OGDHL: variants seen among roughly 807,000 people sequenced by gnomAD.
OGDHL encodes the protein 2-oxoglutarate dehydrogenase-like, mitochondrial.
Under a neutral mutation model 109.6 loss-of-function variants are expected in OGDHL, and 79 were observed. The observed-to-expected ratio is 0.72, with a 90% CI of 0.60 to 0.87. OGDHL has a LOEUF of 0.87. Among genes scored for constraint, OGDHL ranks in the 40% least tolerant of loss-of-function variants. The pLI is 0.00. For synonymous variants in OGDHL, 528 were observed against 537.2 expected, an observed-to-expected ratio of 0.98 and a Z score of 0.24; for missense variants, 1,275 against 1,362.2, an observed-to-expected ratio of 0.94 and a Z score of 1.01.
chr10:49,752,869 G>A lies in OGDHL; in HGVS notation c.376-129C>T, dbSNP rs182376457. 5.8e-3 allele frequency: 3,809 copies of A among 658,626 alleles called. 42 individuals carry two copies. The highest frequency in any genetic ancestry group is 4.7e-3 in the Non-Finnish European group (1,827 of 385,926). 40.8% of individuals were successfully genotyped at this position (658,626 alleles called of 1,614,324 possible). On this transcript the variant is annotated intron_variant, in intron 3 of 22. Coordinates refer to ENST00000374103, the MANE Select transcript of OGDHL (RefSeq NM_018245.3). ...TTAAGCTTCCCCATGTCTCTGCCCCGCGGCTACTTCACTGCTGCCTGCGAG... is the reference window on the plus strand; with the variant it reads ...TTAAGCTTCCCCATGTCTCTGCCCCACGGCTACTTCACTGCTGCCTGCGAG...
rs1564539343 is a variant in OGDHL at position 49,745,844 on chromosome 10, G to C, written c.1430C>G (p.Ala477Gly). 1.2e-6 allele frequency: 2 copies of C among 1,614,192 alleles called. No individual in the cohort carries two copies. The highest frequency in any genetic ancestry group is 1.7e-6 in the Non-Finnish European group (2 of 1,180,038). Reference protein sequence around the residue: ...PEAVIYVCSVAAEWRNTFNKD... With the variant: ...PEAVIYVCSVGAEWRNTFNKD... Reference sequence around the variant, plus strand: ...GTTGAAAGTGTTTCTCCATTCGGCTGCCACACTGCACACATATATCACAGC... The same window carrying C: ...GTTGAAAGTGTTTCTCCATTCGGCTCCCACACTGCACACATATATCACAGC... Residue 477 changes from alanine to glycine, a missense_variant, in exon 11 of 23, where the codon GCA becomes GGA. Physicochemically the swap from Ala to Gly is moderately conservative, Grantham distance 60. Coordinates refer to ENST00000374103, the MANE Select transcript of OGDHL (RefSeq NM_018245.3).
At position 49,762,286 on chromosome 10, in the gene OGDHL, G is replaced by A. The variant is rs952051614; in HGVS notation, c.-49C>T. 6.6e-6 allele frequency: 1 copy of A among 152,126 alleles called. No individual in the cohort carries two copies. The highest frequency in any genetic ancestry group is 1.5e-5 in the Non-Finnish European group (1 of 68,006). The allele number at this position is 152,126 out of a possible 1,614,324, so 9.4% of individuals were successfully genotyped here. A position where few individuals can be genotyped will look rare whatever the true frequency, so the allele number is the denominator to read the frequency against. On this transcript the variant is annotated 5_prime_UTR_variant, in exon 1 of 23. Coordinates refer to ENST00000374103, the MANE Select transcript of OGDHL (RefSeq NM_018245.3). ...GCTGCAGCGAGGTCCGGAGGCTGCAGGTCAGGGGGCTGCGCGGAAGGGGTG... is the reference window on the plus strand; with the variant it reads ...GCTGCAGCGAGGTCCGGAGGCTGCAAGTCAGGGGGCTGCGCGGAAGGGGTG...
chr10:49,737,609 A>G (rs1223660336), intron 20 of OGDHL, among the ~76,000 whole-genome samples, 177 bp downstream of exon 20: 1 of 152,134 alleles, frequency 6.6e-6, no homozygotes, highest in Non-Finnish European at 1.5e-5. Context: ...GAGCTGGCCC[A>G]GGTCAGCCAT....
Position 49,756,751 on chromosome 10 carries a change from A to G in OGDHL, c.375+25T>C. ...ACCCCAGGAGCCAGTGCAGCCTCCC[A>G]GGCTGTGCCTCAGCTGCCCCTCACC... On this transcript the variant is annotated intron_variant, in intron 3 of 22. Coordinates refer to ENST00000374103, the MANE Select transcript of OGDHL (RefSeq NM_018245.3). The G allele has an allele frequency of 3.1e-6, 5 of 1,603,184 alleles. No homozygotes were observed. In the South Asian group the frequency reaches 4.5e-5, roughly 14 times the overall value.
At position 49,749,924 on chromosome 10, in the gene OGDHL, G is replaced by A. The variant is rs564364618; in HGVS notation, c.897-108C>T. On this transcript the variant is annotated intron_variant, in intron 7 of 22. Coordinates refer to ENST00000374103, the MANE Select transcript of OGDHL (RefSeq NM_018245.3). The stretch of plus-strand genomic sequence containing the variant: ...GCCTAATACAGCCCCTTCGTGCCCA[G>A]AGCCCTCCTCAGGCCACCCAATCAC... The A allele has an allele frequency of 6.2e-5, 57 of 920,262 alleles. 1 individual carries two copies. In the South Asian group the frequency reaches 7.1e-4, roughly 12 times the overall value. The allele number at this position is 920,262 out of a possible 1,614,324, so 57.0% of individuals were successfully genotyped here. A position where few individuals can be genotyped will look rare whatever the true frequency, so the allele number is the denominator to read the frequency against.
In OGDHL at chr10:49,735,294, C is replaced by G; in HGVS notation, c.2967G>C (p.Leu989=). 2 of 1,614,142 alleles carry G rather than the reference C, an allele frequency of 1.2e-6. No individual in the cohort carries two copies. The highest frequency in any genetic ancestry group is 2.2e-5 in the South Asian group (2 of 91,086). ...APATGNRNTH[L]VSLKKFLDTA... ...TATCCAGAAACTTCTTCAGTGACAC[C>G]AGGTGAGTGTTCCTGTTTCCTGTGG... Residue 989 remains leucine, a synonymous_variant, in exon 23 of 23, where the codon CTG becomes CTC. Transcript: ENST00000374103.
intron 14 of OGDHL, 124 bp from the exon 15 acceptor site, chr10:49,743,102 G>C (rs1841912366): frequency 1.6e-6 from 2 of 1,270,094 alleles, no homozygotes; most frequent in Non-Finnish European, 2.1e-6. Flanking sequence ...TGGAGGGCAG[G>C]GATGCTGCAG....
At position 49,744,087 on chromosome 10, in the gene OGDHL, T is replaced by C; in HGVS notation, c.1768A>G (p.Thr590Ala). 1 of 1,613,926 alleles carries C rather than the reference T, an allele frequency of 6.2e-7. No homozygotes were observed. Among genetic ancestry groups the C allele is most frequent in the African/African-American group, 1.3e-5 (1 of 75,028 alleles). The part of the protein sequence containing the change: ...FNVDGEPKSM[T>A]CPATGIPEDM... ...TCAGGGATCCCCGTGGCTGGGCATGTCATGCTCTTGGGCTCCCCATCTACG... is the reference window on the plus strand; with the variant it reads ...TCAGGGATCCCCGTGGCTGGGCATGCCATGCTCTTGGGCTCCCCATCTACG... Residue 590 changes from threonine (T) to alanine (A), a missense_variant, in exon 14 of 23, where the codon ACA becomes GCA. Physicochemically the swap from Thr to Ala is moderately conservative, Grantham distance 58 (BLOSUM62 0). Coordinates refer to ENST00000374103, the MANE Select transcript of OGDHL (RefSeq NM_018245.3).
rs777478560 is a variant in OGDHL at position 49,758,422 on chromosome 10, G to A, written c.171C>T (p.Phe57=). ...CACTCTGGGGGTTTTCCAACCAGGC[G>A]AAGTACATCTCCTCCATGTAACTGG... is the stretch of plus-strand genomic sequence containing the variant. ...GGSSYMEEMY[F]AWLENPQSVH... The change falls in exon 2 of 23, where the codon TTC becomes TTT. Residue 57 remains phenylalanine, a synonymous_variant. Transcript: ENST00000374103. 1.2e-5 allele frequency: 19 copies of A among 1,613,700 alleles called. No individual in the cohort carries two copies. Among genetic ancestry groups the A allele is most frequent in the South Asian group, 4.4e-5 (4 of 91,060 alleles).
intron 11 of OGDHL, 109 bp downstream of exon 11, chr10:49,745,688 TC>T: frequency 7.2e-7 from 1 of 1,380,214 alleles, no homozygotes; most frequent in Non-Finnish European, 1.0e-6. Flanking sequence ...AAATCTCTCA[TC>T]CAAGAAGCAC....
In OGDHL at chr10:49,750,938, C is replaced by A. The variant is rs138716062; in HGVS notation, c.797G>T (p.Gly266Val). Residue 266 changes from glycine (G) to valine (V), a missense_variant, in exon 7 of 23, where the codon GGC (glycine) becomes GTC (valine). Gly to Val is a moderately radical substitution (Grantham distance 109). Transcript: ENST00000374103. Reference sequence around the variant, plus strand: ...AATCATCACTTCACAGCCCTCCAGGCCAAACCGCTTCTCTGAGGACCATTT... The same window carrying A: ...AATCATCACTTCACAGCCCTCCAGGACAAACCGCTTCTCTGAGGACCATTT... ...ARKWSSEKRFGLEGCEVMIPA... is the reference protein window; with the variant it reads ...ARKWSSEKRFVLEGCEVMIPA... The A allele has an allele frequency of 1.9e-6, 3 of 1,611,168 alleles. No individual in the cohort carries two copies. Among genetic ancestry groups the A allele is most frequent in the African/African-American group, 2.7e-5 (2 of 74,878 alleles).
chr10:49,747,336 G>A, intron 8 of OGDHL, 128 bp from the exon 9 acceptor site: 2 of 981,980 alleles, frequency 2.0e-6, no homozygotes, highest in South Asian at 3.1e-5. Flanking sequence ...AGAGGGCCAA[G>A]CTGTCTCTGA....
intron 10 of OGDHL, among the ~76,000 whole-genome samples, 192 bp from the exon 11 acceptor site, chr10:49,746,169 A>G (rs1391463951): frequency 6.6e-6 from 1 of 152,194 alleles, no homozygotes; most frequent in Non-Finnish European, 1.5e-5. Context: ...GGACGGCAGC[A>G]GCACCAGCCG....
Position 49,740,738 on chromosome 10 carries a change from G to T in OGDHL, c.2112C>A (p.Asn704Lys). The T allele has an allele frequency of 6.2e-7, 1 of 1,613,884 alleles. No individual in the cohort carries two copies. Among genetic ancestry groups the T allele is most frequent in the Non-Finnish European group, 8.5e-7 (1 of 1,179,814 alleles). ...GGACTCCGTACTCCGAGAGGGAGCT[G>T]TTGCACACGGTGTACGGGGCCTGGT... ...WPDQAPYTVC[N>K]SSLSEYGVLG... The change falls in exon 16 of 23, where the codon AAC becomes AAA. Residue 704 changes from asparagine to lysine, a missense_variant. Physicochemically the swap from Asn to Lys is moderately conservative, Grantham distance 94. Transcript: ENST00000374103.
At chr10:49,749,704 G>A (rs371707129) in intron 8 of OGDHL, 22 bp downstream of exon 8, 33 of 1,565,480 alleles carry the variant, frequency 2.1e-5, no homozygotes, top group African/African-American at 5.4e-5. Flanking sequence ...CAAGGGTGCC[G>A]GGACCTGGGC....
chr10:49,738,080 G>A lies in OGDHL; in HGVS notation c.2392-8C>T, dbSNP rs750819939. 4 of 1,614,046 alleles carry A rather than the reference G, an allele frequency of 2.5e-6. No homozygotes were observed. In the Admixed American group the frequency reaches 5.0e-5, roughly 20 times the overall value. The stretch of plus-strand genomic sequence containing the variant: ...GAAGTCCTTGGTGAATGCCTGTGGG[G>A]ACGAGATGCATATGGCCAGGGTGGC... On this transcript the variant is annotated splice_polypyrimidine_tract_variant and splice_region_variant and intron_variant, in intron 18 of 22. Coordinates refer to ENST00000374103, the MANE Select transcript of OGDHL (RefSeq NM_018245.3).
At chr10:49,744,625 T>A in intron 13 of OGDHL, 25 bp downstream of exon 13, 1 of 1,582,286 alleles carries the variant, frequency 6.3e-7, no homozygotes, top group Non-Finnish European at 8.7e-7. Context: ...GGGGAGTCCC[T>A]CTGAGCCACA....
intron 3 of OGDHL, 60 bp from the exon 4 acceptor site, chr10:49,752,800 G>C: frequency 8.1e-7 from 1 of 1,234,436 alleles, no homozygotes; most frequent in Non-Finnish European, 1.2e-6. Flanking sequence ...CCTCCTCCAG[G>C]GTAAGGCTCT....
chr10:49,742,400 AC>A (rs1564531843), intron 15 of OGDHL, among the ~76,000 whole-genome samples: 11 of 114,496 alleles, frequency 9.6e-5, no homozygotes, highest in Non-Finnish European at 1.2e-4. Context: ...CCCCACACAC[AC>A]CACACACACC....
Sources: allele counts gnomAD v4.1 joint callset (sites outside exome capture counted in the v4.1 genomes callset), GRCh38; gene constraint gnomAD v4.1.1; transcripts MANE v1.5; gene names NCBI Gene and HGNC (gene_info 2026-07-23, HGNC 2026-07-21).